The following DCAF6 variants were observed in gnomAD, a reference collection of about 807,000 sequenced individuals.
The protein encoded by DCAF6 is DDB1- and CUL4-associated factor 6.
A neutral mutation model predicts 125.1 loss-of-function variants in DCAF6; 54 were observed. The observed-to-expected ratio is 0.43, with a 90% CI of 0.35 to 0.54. The LOEUF (loss-of-function observed/expected upper bound fraction) is 0.54. Among genes scored for constraint, DCAF6 ranks in the 20% least tolerant of loss-of-function variants. DCAF6 has a pLI of 0.01. For synonymous variants in DCAF6, 371 were observed against 390.4 expected, an observed-to-expected ratio of 0.95 and a Z score of 0.58; for missense variants, 934 against 1,161.7, an observed-to-expected ratio of 0.80 and a Z score of 2.85.
chr1:167,875,814 A>G, the DCAF6 span, among the ~76,000 whole-genome samples: 12 of 152,292 alleles, frequency 7.9e-5, no homozygotes, highest in Admixed American at 2.0e-4. Context: ...TTAGCCAGGC[A>G]TGGTGGCGGT....
intron 13 of DCAF6, among the ~76,000 whole-genome samples, chr1:168,041,851 C>A (rs1688571505): frequency 1.4e-5 from 2 of 144,596 alleles, no homozygotes; most frequent in South Asian, 2.3e-4. Context: ...GCCAAAATAG[C>A]TATATATTCC....
the DCAF6 span, among the ~76,000 whole-genome samples, chr1:167,882,282 C>T: frequency 6.6e-6 from 1 of 152,032 alleles, no homozygotes; most frequent in South Asian, 2.1e-4. Flanking sequence ...GTCAGGAATT[C>T]GAGACCCACC....
chr1:167,943,698 A>C (rs1308267532), intron 1 of DCAF6, among the ~76,000 whole-genome samples: 3 of 152,268 alleles, frequency 2.0e-5, no homozygotes, highest in Non-Finnish European at 2.9e-5. Context: ...ATTATGTATC[A>C]TTCCACTCTG....
chr1:167,917,002 A>C, the DCAF6 span: 1 of 152,212 alleles, frequency 6.6e-6, no homozygotes, highest in South Asian at 2.1e-4. Flanking sequence ...GCTAACTGCC[A>C]AATTTTCATA....
chr1:167,877,176 A>T, the DCAF6 span, among the ~76,000 whole-genome samples: 5 of 151,386 alleles, frequency 3.3e-5, no homozygotes, highest in Non-Finnish European at 7.4e-5. Flanking sequence ...GCCATAGACA[A>T]GTCATTTAAC....
chr1:167,925,455 A>C, the DCAF6 span, among the ~76,000 whole-genome samples: 6 of 110,848 alleles, frequency 5.4e-5, 1 homozygote, highest in African/African-American at 2.5e-4. Context: ...ATATATATAT[A>C]TATATATATA....
At chr1:167,864,761 T>C in the DCAF6 span, among the ~76,000 whole-genome samples, 1 of 152,212 alleles carries the variant, frequency 6.6e-6, no homozygotes, top group African/African-American at 2.4e-5. Context: ...AACACTCTAA[T>C]ACCACTTTGT....
the DCAF6 span, among the ~76,000 whole-genome samples, chr1:167,923,905 C>T: frequency 1.3e-5 from 2 of 152,082 alleles, no homozygotes; most frequent in African/African-American, 2.4e-5. Context: ...AGTTATAGAC[C>T]CAAACTGGCC....
chr1:167,994,486 C>T (rs144288650), intron 7 of DCAF6, among the ~76,000 whole-genome samples: 1 of 152,062 alleles, frequency 6.6e-6, no homozygotes, highest in African/African-American at 2.4e-5. Context: ...CAGTTACATA[C>T]TAGTGATTTA....
intron 2 of DCAF6, among the ~76,000 whole-genome samples, chr1:167,964,466 C>A (rs1186853411): frequency 1.3e-5 from 2 of 152,226 alleles, no homozygotes; most frequent in South Asian, 4.1e-4. Context: ...CAGCTTCTTT[C>A]AGGATTTTTT....
chr1:167,920,444 G>T, the DCAF6 span: 1 of 1,136,130 alleles, frequency 8.8e-7, no homozygotes, highest in Non-Finnish European at 1.3e-6. Flanking sequence ...TCCTTTGTGT[G>T]TGGGTGTATT....
chr1:167,986,387 G>A (rs921636246), intron 4 of DCAF6, among the ~76,000 whole-genome samples: 24 of 152,116 alleles, frequency 1.6e-4, no homozygotes, highest in Non-Finnish European at 8.8e-5. Flanking sequence ...TTGGCCATTC[G>A]GGTATGGTAT....
chr1:167,951,813 T>C lies in DCAF6; in HGVS notation c.111T>C (p.Phe37=), dbSNP rs138134552. 804 of 1,595,754 alleles carry C rather than the reference T, an allele frequency of 5.0e-4. 5 individuals are homozygous for C. The African/African-American group carries it at 9.6e-3, about 19-fold the overall frequency. The change falls in exon 2 of 22, where the codon TTT becomes TTC. Residue 37 remains phenylalanine, a synonymous_variant. Transcript: ENST00000367840. ...CTTTTTAAACAGGAAGAAGAGAATTTATCCAAAGATTAAAACTTGAAGCAA... is the reference window on the plus strand; with the variant it reads ...CTTTTTAAACAGGAAGAAGAGAATTCATCCAAAGATTAAAACTTGAAGCAA... ...LRSRYLGRRE[F]IQRLKLEATL...
At chr1:167,881,513 G>C in the DCAF6 span, among the ~76,000 whole-genome samples, 1 of 152,208 alleles carries the variant, frequency 6.6e-6, no homozygotes. Flanking sequence ...TACGTGCAAA[G>C]AGGGCAACCC....
At chr1:168,023,852 CAA>C (rs939161051) in intron 12 of DCAF6, 1 of 152,176 alleles carries the variant, frequency 6.6e-6, no homozygotes, top group South Asian at 2.1e-4. Context: ...TATATTGTGA[CAA>C]AGTGTGATAA....
chr1:168,044,405 G>A (rs1335988873), intron 14 of DCAF6, among the ~76,000 whole-genome samples, 180 bp from the exon 15 acceptor site: 2 of 152,118 alleles, frequency 1.3e-5, no homozygotes, highest in African/African-American at 4.8e-5. Flanking sequence ...ATTGCATTAG[G>A]TATTATAAGT....
chr1:167,918,135 G>C, the DCAF6 span: 1 of 486,528 alleles, frequency 2.1e-6, no homozygotes, highest in Middle Eastern at 3.9e-4. Context: ...CCATAGATAA[G>C]TTCCTTAAGT....
chr1:167,880,059 G>A, the DCAF6 span: 1 of 1,485,514 alleles, frequency 6.7e-7, no homozygotes, highest in South Asian at 1.2e-5. Context: ...GCAAAGCCCA[G>A]TGGCAAGGTG....
At chr1:167,943,385 T>C (rs577028789) in intron 1 of DCAF6, among the ~76,000 whole-genome samples, 1 of 152,358 alleles carries the variant, frequency 6.6e-6, no homozygotes, top group African/African-American at 2.4e-5. Flanking sequence ...AATCTTCTCA[T>C]CTGTGGTTCT....
Sources: allele counts gnomAD v4.1 joint callset (sites outside exome capture counted in the v4.1 genomes callset), GRCh38; gene constraint gnomAD v4.1.1; transcripts MANE v1.5; gene names NCBI Gene and HGNC (gene_info 2026-07-23, HGNC 2026-07-21).